Variants in ATM observed in about 807,000 individuals in gnomAD.
The protein encoded by ATM is ATM serine/threonine kinase.
ATM carries 308 observed loss-of-function variants against 387.0 expected under a neutral mutation model. That is an observed-to-expected ratio of 0.80 (90% confidence interval 0.73 to 0.87). ATM has a LOEUF of 0.87. Ranked by LOEUF, ATM falls within the 40% of genes least tolerant of loss-of-function variation. The probability of loss-of-function intolerance (pLI) is 0.00; values close to 1 mark genes in which losing one functional copy is unlikely to be tolerated. For synonymous variants in ATM, 1,156 were observed against 1,187.3 expected (o/e 0.97, Z 0.54); for missense variants, 3,312 against 3,560.9 (o/e 0.93, Z 1.78).
intron 1 of ATM, chr11:108,225,881 A>G (rs1426072141): frequency 6.6e-6 from 1 of 152,118 alleles, no homozygotes; most frequent in Admixed American, 6.5e-5. Context: ...AGTTCCTCCC[A>G]ATTTTGAGAT....
At position 108,235,863 on chromosome 11, in the gene ATM, T is replaced by C. The variant is rs759158661; in HGVS notation, c.496+29T>C. On this transcript the variant is annotated intron_variant, in intron 5 of 62. Coordinates refer to ENST00000675843, the MANE Select transcript of ATM (RefSeq NM_000051.4). ...TGTTTTGAAGGTTGTTGTTTGTGAA[T>C]TTTTCCTCATGAAATGAAACTTCAC... 2.5e-6 allele frequency: 4 copies of C among 1,612,542 alleles called. No homozygotes were observed. In the South Asian group the frequency reaches 4.4e-5, roughly 18 times the overall value.
chr11:108,318,573 C>A (rs2084950323), intron 43 of ATM, among the ~76,000 whole-genome samples: 1 of 151,628 alleles, frequency 6.6e-6, no homozygotes, highest in Admixed American at 6.6e-5. Flanking sequence ...GCCTGTAATC[C>A]AAGCTACTCG....
At chr11:108,262,569 C>G (rs1312978937) in intron 16 of ATM, among the ~76,000 whole-genome samples, 11 of 152,210 alleles carry the variant, frequency 7.2e-5, no homozygotes, top group African/African-American at 2.7e-4. Context: ...GAAGAAACTG[C>G]ATCAACTAAT....
intron 37 of ATM, among the ~76,000 whole-genome samples, chr11:108,305,318 G>A (rs1283735562): frequency 1.3e-5 from 2 of 152,186 alleles, no homozygotes; most frequent in South Asian, 2.1e-4. Context: ...AGTGGCTCAC[G>A]CCTGTAATGC....
intron 38 of ATM, chr11:108,308,912 G>C (rs1591738184): frequency 1.0e-6 from 1 of 987,694 alleles, no homozygotes; most frequent in African/African-American, 1.6e-5. Flanking sequence ...ATGTAGTGGA[G>C]AGCATTTGTT....
chr11:108,303,626 G>C (rs1421183197), intron 36 of ATM, among the ~76,000 whole-genome samples: 1 of 152,148 alleles, frequency 6.6e-6, no homozygotes, highest in African/African-American at 2.4e-5. Context: ...GCTGATTACA[G>C]ATAACTGATA....
chr11:108,305,594 A>G (rs537795911), intron 37 of ATM, among the ~76,000 whole-genome samples: 1 of 152,188 alleles, frequency 6.6e-6, no homozygotes, highest in African/African-American at 2.4e-5. Flanking sequence ...AAAAAAAGAA[A>G]AAAAACCCTT....
chr11:108,303,879 A>G (rs555997747), intron 36 of ATM, among the ~76,000 whole-genome samples: 1 of 152,156 alleles, frequency 6.6e-6, no homozygotes, highest in Non-Finnish European at 1.5e-5. Context: ...CCAAATATAC[A>G]TATGTACACA....
intron 25 of ATM, among the ~76,000 whole-genome samples, chr11:108,283,625 G>A (rs2082340391): frequency 6.6e-6 from 1 of 152,142 alleles, no homozygotes; most frequent in Non-Finnish European, 1.5e-5. Context: ...GGTCCTTATA[G>A]TTCATTCATT....
At chr11:108,332,174 TC>T in intron 52 of ATM, 137 bp downstream of exon 52, 1 of 1,133,496 alleles carries the variant, frequency 8.8e-7, no homozygotes, top group South Asian at 1.4e-5. Context: ...ACGCCTGTAA[TC>T]CCAGCACTTT....
chr11:108,264,359 A>G (rs1242349350), intron 16 of ATM, among the ~76,000 whole-genome samples: 1 of 152,224 alleles, frequency 6.6e-6, no homozygotes, highest in Non-Finnish European at 1.5e-5. Flanking sequence ...TCCAGCATGT[A>G]AACAGAACCA....
chr11:108,331,794 A>G, intron 51 of ATM, 85 bp from the exon 52 acceptor site: 4 of 1,489,180 alleles, frequency 2.7e-6, no homozygotes, highest in Non-Finnish European at 2.8e-6. Context: ...AGACAGTAAT[A>G]CACATTTTAA....
chr11:108,304,793 G>C lies in ATM; in HGVS notation c.5615G>C (p.Ser1872Thr), dbSNP rs761257154. The change falls in exon 37 of 63, where the codon AGC becomes ACC. Residue 1872 changes from serine (S) to threonine (T), a missense_variant. Physicochemically the swap from Ser to Thr is moderately conservative, Grantham distance 58. Coordinates refer to ENST00000675843, the MANE Select transcript of ATM (RefSeq NM_000051.4). ...LSTHVQGFFTSCLRHFSQTSR... is the reference protein window; with the variant it reads ...LSTHVQGFFTTCLRHFSQTSR... The stretch of plus-strand genomic sequence containing the variant: ...ACACATGTTCAGGGATTTTTCACCA[G>C]CTGTCTTCGACACTTCTCGCAAACG... 5 of 1,613,824 alleles carry C rather than the reference G, an allele frequency of 3.1e-6. No individual in the cohort carries two copies. The highest frequency in any genetic ancestry group is 4.2e-6 in the Non-Finnish European group (5 of 1,179,984).
Position 108,252,045 on chromosome 11 carries a change from A to G in ATM, c.1802+14A>G, listed in dbSNP as rs2135344920. 6.2e-7 allele frequency: 1 copy of G among 1,607,236 alleles called. No individual in the cohort carries two copies. Among genetic ancestry groups the G allele is most frequent in the Non-Finnish European group, 8.5e-7 (1 of 1,176,940 alleles). On this transcript the variant is annotated intron_variant, in intron 11 of 62. Coordinates refer to ENST00000675843, the MANE Select transcript of ATM (RefSeq NM_000051.4). ...AATTCTTCACAGGTAATTTAAGTTC[A>G]TTAGCATGCTGCTGTTTTTTTTGTT...
At chr11:108,257,838 T>C (rs1450807303) in intron 15 of ATM, among the ~76,000 whole-genome samples, 6 of 152,196 alleles carry the variant, frequency 3.9e-5, no homozygotes, top group Admixed American at 3.9e-4. Context: ...CTGGTTGGTG[T>C]TACTGTTTTG....
chr11:108,282,890 A>G lies in ATM; in HGVS notation c.3746+11A>G, dbSNP rs2082309757. On this transcript the variant is annotated intron_variant, in intron 25 of 62. Transcript: ENST00000675843. The stretch of plus-strand genomic sequence containing the variant: ...TGAGGATTTCTATAGGTAAGTTTAT[A>G]CATGACATATGTGAAATTTGTTTAA... 3 of 1,448,440 alleles carry G rather than the reference A, an allele frequency of 2.1e-6. No individual in the cohort carries two copies. Among genetic ancestry groups the G allele is most frequent in the Non-Finnish European group, 2.9e-6 (3 of 1,038,822 alleles). The allele number at this position is 1,448,440 out of a possible 1,614,324, so 89.7% of individuals were successfully genotyped here.
chr11:108,253,879 CA>C lies in ATM; in HGVS notation c.1966del (p.Thr656LeufsTer8), dbSNP rs2135367757. On this transcript the variant is annotated frameshift_variant, in exon 13 of 63. Coordinates refer to ENST00000675843, the MANE Select transcript of ATM (RefSeq NM_000051.4). LOFTEE classifies it high-confidence loss of function. ...FSEVEELFLQ[T>X]TFDKMDFLTI... Reference sequence around the variant, plus strand: ...GAAGTAGAAGAACTATTTCTTCAGACAACTTTTGACAAGATGGACTTTTTAA... The same window carrying C: ...GAAGTAGAAGAACTATTTCTTCAGACACTTTTGACAAGATGGACTTTTTAA... The C allele has an allele frequency of 6.2e-7, 1 of 1,613,952 alleles. No homozygotes were observed. The highest frequency in any genetic ancestry group is 1.1e-5 in the South Asian group (1 of 91,078).
intron 37 of ATM, among the ~76,000 whole-genome samples, chr11:108,306,664 T>A (rs1240904324): frequency 6.6e-6 from 1 of 152,202 alleles, no homozygotes; most frequent in South Asian, 2.1e-4. Context: ...ACATATAAAA[T>A]TCTGTTATTG....
Position 108,295,067 on chromosome 11 carries a change from T to G in ATM, c.4909+8T>G. The G allele has an allele frequency of 6.2e-7, 1 of 1,613,732 alleles. No individual in the cohort carries two copies. The highest frequency in any genetic ancestry group is 8.5e-7 in the Non-Finnish European group (1 of 1,179,752). ...TTATGAGAGCTTCTCAGGGTGCTAA[T>G]TTTAAATGACATGGGCTATTTCTAC... is the stretch of plus-strand genomic sequence containing the variant. On this transcript the variant is annotated splice_region_variant and intron_variant, in intron 32 of 62. Coordinates refer to ENST00000675843, the MANE Select transcript of ATM (RefSeq NM_000051.4).
Sources: gnomAD v4.1 joint callset for allele counts (sites outside exome capture counted in the v4.1 genomes callset) on GRCh38, gnomAD v4.1.1 for gene constraint, MANE v1.5 for transcripts, NCBI Gene and HGNC (gene_info 2026-07-23, HGNC 2026-07-21) for gene names.